The following TPTE variants were observed in gnomAD, a reference collection of about 807,000 sequenced individuals.
TPTE encodes the protein putative tyrosine-protein phosphatase TPTE.
Under a neutral mutation model 84.1 loss-of-function variants are expected in TPTE, and 59 were observed. That is an observed-to-expected ratio of 0.70 (90% CI 0.57 to 0.87). TPTE has a LOEUF of 0.87. TPTE is among the 40% of genes least tolerant of loss of function. TPTE has a pLI of 0.00. For synonymous variants in TPTE, 130 were observed against 223.5 expected, an observed-to-expected ratio of 0.58 and a Z score of 3.73; for missense variants, 382 against 659.6, an observed-to-expected ratio of 0.58 and a Z score of 4.61.
intron 4 of TPTE, among the ~76,000 whole-genome samples, chr21:10,539,253 G>C (rs530465648): frequency 6.6e-6 from 1 of 152,338 alleles, no homozygotes; most frequent in South Asian, 2.1e-4. Flanking sequence ...GGGCAGAAAA[G>C]AACAGAGCTA....
At chr21:10,598,376 G>A (rs1203281292) in intron 21 of TPTE, among the ~76,000 whole-genome samples, 1 of 152,308 alleles carries the variant, frequency 6.6e-6, no homozygotes, top group Non-Finnish European at 1.5e-5. Context: ...TCCCAGGAAT[G>A]TATTAAGGAT....
chr21:10,597,412 CTTTTTTTT>C (rs146272836), intron 20 of TPTE, among the ~76,000 whole-genome samples: 4 of 139,898 alleles, frequency 2.9e-5, no homozygotes, highest in South Asian at 2.3e-4. Context: ...TTTCTTTTTT[CTTTTTTTT>C]TTTTTTTTTT....
intron 10 of TPTE, among the ~76,000 whole-genome samples, chr21:10,564,024 C>T (rs1371913767): frequency 9.2e-5 from 14 of 152,402 alleles, no homozygotes; most frequent in African/African-American, 2.2e-4. Context: ...TGTGGTGGTG[C>T]GCACCCGTAG....
At chr21:10,582,449 C>G (rs573857904) in intron 17 of TPTE, among the ~76,000 whole-genome samples, 39 of 152,348 alleles carry the variant, frequency 2.6e-4, no homozygotes, top group African/African-American at 9.1e-4. Context: ...TTATTACATT[C>G]AATTTTAAAA....
At chr21:10,588,397 G>T (rs1178642254) in intron 17 of TPTE, among the ~76,000 whole-genome samples, 2 of 152,308 alleles carry the variant, frequency 1.3e-5, no homozygotes, top group Admixed American at 6.5e-5. Flanking sequence ...TCCTGATGGG[G>T]CTACCTTTGT....
chr21:10,526,076 T>C (rs469949), intron 2 of TPTE, among the ~76,000 whole-genome samples: 31,912 of 145,180 alleles, frequency 0.22, 65 homozygotes, highest in African/African-American at 0.47. Flanking sequence ...GATTTATTAG[T>C]GTATTCTGCA....
At chr21:10,566,573 T>A (rs1289909450) in intron 10 of TPTE, among the ~76,000 whole-genome samples, 1 of 152,310 alleles carries the variant, frequency 6.6e-6, no homozygotes, top group Admixed American at 6.5e-5. Context: ...GTTGCAGCAC[T>A]GTTCATAATG....
At chr21:10,531,968 A>G (rs1159974485) in intron 3 of TPTE, among the ~76,000 whole-genome samples, 1 of 152,286 alleles carries the variant, frequency 6.6e-6, no homozygotes, top group Non-Finnish European at 1.5e-5. Context: ...ACATATATCC[A>G]CATAGGTTTA....
chr21:10,554,654 A>G (rs1400611940), intron 8 of TPTE, among the ~76,000 whole-genome samples: 1 of 152,304 alleles, frequency 6.6e-6, no homozygotes, highest in African/African-American at 2.4e-5. Context: ...TCCTCATGTA[A>G]TCAAATGTAT....
At chr21:10,559,958 T>G (rs1327168634) in intron 9 of TPTE, among the ~76,000 whole-genome samples, 1 of 152,246 alleles carries the variant, frequency 6.6e-6, no homozygotes, top group African/African-American at 2.4e-5. Flanking sequence ...GACTTAATAC[T>G]TCAATGAGAA....
rs771832897 is a variant in TPTE at position 10,603,587 on chromosome 21, G to A, written c.1475G>A (p.Cys492Tyr). The change falls in exon 23 of 24, where the codon TGC (cysteine) becomes TAC (tyrosine). Residue 492 changes from cysteine to tyrosine, a missense_variant. Cys to Tyr is a radical substitution (Grantham distance 194). Around this residue, in one of 10 missense-constraint regions of TPTE, gnomAD observed 120 missense variants for 79.1 expected, o/e 1.52. Coordinates refer to ENST00000618007, the MANE Select transcript of TPTE (RefSeq NM_199261.4). ...AATCTTCCTACATACTATGACAATT[G>A]CTCATTTTACTTCTGGTTGCACACA... ...YSNLPTYYDNCSFYFWLHTSF... is the reference protein window; with the variant it reads ...YSNLPTYYDNYSFYFWLHTSF... The A allele has an allele frequency of 4.3e-6, 7 of 1,612,222 alleles. No homozygotes were observed. The highest frequency in any genetic ancestry group is 1.3e-5 in the African/African-American group (1 of 74,896).
chr21:10,586,128 C>A (rs1241352790), intron 17 of TPTE, among the ~76,000 whole-genome samples: 344 of 151,070 alleles, frequency 2.3e-3, no homozygotes, highest in African/African-American at 8.1e-3. Context: ...TTAATTTGTT[C>A]TTTTCCTGAC....
intron 17 of TPTE, among the ~76,000 whole-genome samples, chr21:10,583,607 C>T (rs1167817656): frequency 3.9e-5 from 6 of 152,282 alleles, no homozygotes; most frequent in Admixed American, 3.9e-4. Context: ...TCATGCTTTC[C>T]CTTTATAAAG....
chr21:10,576,834 TATAC>T (rs1285644497), intron 14 of TPTE, among the ~76,000 whole-genome samples: 6 of 141,926 alleles, frequency 4.2e-5, no homozygotes, highest in South Asian at 2.2e-4. Flanking sequence ...GTTATACATA[TATAC>T]ATATATATAT....
At chr21:10,533,216 G>A (rs469977) in intron 3 of TPTE, among the ~76,000 whole-genome samples, 5,768 of 149,778 alleles carry the variant, frequency 0.039, 1 homozygote, top group Middle Eastern at 0.09. Flanking sequence ...CTTTTCACAT[G>A]TATCCAAACT....
rs367982759 is a variant in TPTE at position 10,526,470 on chromosome 21, A to C, written c.-101-885A>C. 3.6e-4 allele frequency among the ~76,000 whole-genome samples: 55 copies of C among 152,402 alleles called. No homozygotes were observed. In the South Asian group the frequency reaches 0.011, roughly 31 times the overall value. ...GTGTTTCTCACACATTTCCACTGTGAGAAAGAGGTTCTGTGGTCAAATAGG... is the reference window on the plus strand; with the variant it reads ...GTGTTTCTCACACATTTCCACTGTGCGAAAGAGGTTCTGTGGTCAAATAGG... On this transcript the variant is annotated intron_variant, in intron 2 of 23. Transcript: ENST00000618007.
chr21:10,537,353 T>C (rs1414303432), intron 3 of TPTE, among the ~76,000 whole-genome samples: 9 of 152,424 alleles, frequency 5.9e-5, no homozygotes, highest in African/African-American at 2.2e-4. Context: ...ATCAGTACCC[T>C]GGAATGGAGC....
intron 6 of TPTE, among the ~76,000 whole-genome samples, 169 bp downstream of exon 6, chr21:10,542,617 A>T (rs2074391643): frequency 6.6e-6 from 1 of 152,198 alleles, no homozygotes; most frequent in Non-Finnish European, 1.5e-5. Flanking sequence ...TCATCCATCC[A>T]TCCACACGTC....
chr21:10,550,217 C>A (rs953861267), intron 7 of TPTE, among the ~76,000 whole-genome samples: 4 of 152,304 alleles, frequency 2.6e-5, no homozygotes, highest in African/African-American at 9.6e-5. Flanking sequence ...TGAAAACATG[C>A]AAAACCTCCT....
Sources: gnomAD v4.1 joint callset for allele counts (sites outside exome capture counted in the v4.1 genomes callset) on GRCh38, gnomAD v4.1.1 for gene constraint, gnomAD v4.1.1 regional missense constraint, MANE v1.5 for transcripts, NCBI Gene and HGNC (gene_info 2026-07-23, HGNC 2026-07-21) for gene names.